Variants in XRCC4 observed in about 807,000 individuals in gnomAD.
XRCC4 encodes DNA repair protein XRCC4.
XRCC4 carries 28 observed loss-of-function variants against 39.1 expected under a neutral mutation model. The ratio of observed to expected loss-of-function variants is 0.72; its 90% confidence interval spans 0.53 to 0.98. The LOEUF is 0.98. Among genes scored for constraint, XRCC4 ranks in the 50% least tolerant of loss-of-function variants. XRCC4 has a pLI of 0.00. For missense variants in XRCC4, 350 were observed against 376.4 expected (o/e 0.93, Z 0.58); for synonymous variants, 123 against 126.4 (o/e 0.97, Z 0.18).
At chr5:83,322,438 A>G (rs994862179) in intron 7 of XRCC4, among the ~76,000 whole-genome samples, 2 of 152,120 alleles carry the variant, frequency 1.3e-5, no homozygotes, top group African/African-American at 4.8e-5. Context: ...AGGTACCAAC[A>G]TGAATAAGAT....
chr5:83,166,785 G>GT (rs1324976356), intron 3 of XRCC4, among the ~76,000 whole-genome samples: 1 of 151,754 alleles, frequency 6.6e-6, no homozygotes, highest in Non-Finnish European at 1.5e-5. Flanking sequence ...CCAAGCATTT[G>GT]TTTTTTTGCT....
At chr5:83,359,989 G>T in the XRCC4 span, among the ~76,000 whole-genome samples, 1 of 152,186 alleles carries the variant, frequency 6.6e-6, no homozygotes, top group Non-Finnish European at 1.5e-5. Flanking sequence ...AAATGTCTGT[G>T]ATCTTCGGCA....
In XRCC4 at chr5:83,349,054, AG is replaced by A. The variant is rs1398003731; in HGVS notation, c.894-4076del. Among the ~76,000 whole-genome samples, 5 of 152,330 alleles carry A rather than the reference AG, an allele frequency of 3.3e-5. No homozygotes were observed. The East Asian group carries it at 7.7e-4, about 23-fold the overall frequency. ...ACAACAATTTAACAAGTCTCTAGGA[AG>A]TTCCAAACTTTCCCTCATCTTCCTA... On this transcript the variant is annotated intron_variant, in intron 7 of 7. Transcript: ENST00000396027.
At chr5:83,271,337 G>A (rs301298) in intron 7 of XRCC4, among the ~76,000 whole-genome samples, 1,947 of 151,940 alleles carry the variant, frequency 0.013, 25 homozygotes, top group Non-Finnish European at 0.019. Flanking sequence ...CTAATTATAC[G>A]CCCATTTGAA....
intron 3 of XRCC4, among the ~76,000 whole-genome samples, chr5:83,186,940 C>CCTTTTTTTTTTTTTT (rs1750468282): frequency 1.0e-5 from 1 of 96,824 alleles, no homozygotes; most frequent in African/African-American, 5.5e-5. Flanking sequence ...CTGCTTCTTC[C>CCTTTTTTTTTTTTTT]ATTTTTTTTT....
Position 83,087,674 on chromosome 5 carries a change from A to T in XRCC4, c.-11+10059A>T, listed in dbSNP as rs202105807. 3.4e-4 allele frequency among the ~76,000 whole-genome samples: 52 copies of T among 150,780 alleles called. No individual in the cohort carries two copies. In the East Asian group the frequency reaches 7.4e-3, roughly 21 times the overall value. ...TGAGACCCTGTGTCAAAAAAAAAAAATTTTTTTTTTCCTGGTCATAGCGTG... is the reference window on the plus strand; with the variant it reads ...TGAGACCCTGTGTCAAAAAAAAAAATTTTTTTTTTTCCTGGTCATAGCGTG... On this transcript the variant is annotated intron_variant, in intron 1 of 7. Transcript: ENST00000396027.
At position 83,119,159 on chromosome 5, in the gene XRCC4, C is replaced by T. The variant is rs574115262; in HGVS notation, c.315+7956C>T. Among the ~76,000 whole-genome samples, 37 of 152,126 alleles carry T rather than the reference C, an allele frequency of 2.4e-4. 1 individual carries two copies. Among genetic ancestry groups the T allele is most frequent in the Middle Eastern group, 3.4e-3 (1 of 294 alleles). Reference sequence around the variant, plus strand: ...AAATCCTATATTATTGCCATGTGTCCCTGTGGTTTCAGGGACTCTGAATTC... The same window carrying T: ...AAATCCTATATTATTGCCATGTGTCTCTGTGGTTTCAGGGACTCTGAATTC... On this transcript the variant is annotated intron_variant, in intron 3 of 7. Transcript: ENST00000396027.
chr5:83,298,160 A>G (rs765647338), intron 7 of XRCC4, among the ~76,000 whole-genome samples: 2 of 151,700 alleles, frequency 1.3e-5, no homozygotes, highest in African/African-American at 2.4e-5. Flanking sequence ...TAAATTACAC[A>G]CTGTATGAAT....
intron 7 of XRCC4, among the ~76,000 whole-genome samples, chr5:83,342,852 G>A (rs1405709978): frequency 6.6e-6 from 1 of 152,102 alleles, no homozygotes; most frequent in East Asian, 1.9e-4. Flanking sequence ...CTTTGGTGAT[G>A]TCAAGTCTTT....
In XRCC4 at chr5:83,218,819, T is replaced by G. The variant is rs16900239; in HGVS notation, c.745+13898T>G. ...TAACTTGTGGTTTTTAAGAAGTGTT[T>G]AGTGAAAGGATATCTGAACTCTTTG... On this transcript the variant is annotated intron_variant, in intron 6 of 7. Transcript: ENST00000396027. Among the ~76,000 whole-genome samples, 424 of 152,204 alleles carry G rather than the reference T, an allele frequency of 2.8e-3. 9 individuals are homozygous for G. The East Asian group carries it at 0.071, about 25-fold the overall frequency.
intron 7 of XRCC4, among the ~76,000 whole-genome samples, chr5:83,314,881 T>C (rs547573089): frequency 6.6e-6 from 1 of 152,202 alleles, no homozygotes; most frequent in South Asian, 2.1e-4. Flanking sequence ...ACAATATTGA[T>C]ATTAGGCCAG....
At chr5:83,136,141 A>G (rs1407938646) in intron 3 of XRCC4, among the ~76,000 whole-genome samples, 1 of 152,136 alleles carries the variant, frequency 6.6e-6, no homozygotes, top group Non-Finnish European at 1.5e-5. Context: ...AATACTTCTG[A>G]GTCCTTTTAC....
intron 3 of XRCC4, among the ~76,000 whole-genome samples, chr5:83,153,628 G>A (rs1232324383): frequency 6.6e-6 from 1 of 152,150 alleles, no homozygotes; most frequent in East Asian, 1.9e-4. Flanking sequence ...GAAAAATAGT[G>A]ATGATGACAA....
intron 3 of XRCC4, among the ~76,000 whole-genome samples, chr5:83,115,167 G>A (rs1340926936): frequency 6.6e-6 from 1 of 151,996 alleles, no homozygotes; most frequent in Non-Finnish European, 1.5e-5. Context: ...GATTTAGGCC[G>A]GGTGCCTCCC....
intron 3 of XRCC4, among the ~76,000 whole-genome samples, chr5:83,115,587 T>C (rs1386952116): frequency 1.3e-5 from 2 of 152,238 alleles, no homozygotes; most frequent in African/African-American, 4.8e-5. Context: ...GATTCATGTC[T>C]TCTACAGTTG....
chr5:83,336,645 T>C (rs1277261397), intron 7 of XRCC4, among the ~76,000 whole-genome samples: 1 of 152,138 alleles, frequency 6.6e-6, no homozygotes, highest in Non-Finnish European at 1.5e-5. Flanking sequence ...TCATAAACCT[T>C]TAATAATAAT....
chr5:83,264,800 A>G lies in XRCC4; in HGVS notation c.893+6123A>G, dbSNP rs192926249. ...AGGAAAATAATATCTTTGGAAGACT[A>G]TGTTTTAAAAGCAGTTGATTAATTT... On this transcript the variant is annotated intron_variant, in intron 7 of 7. Transcript: ENST00000396027. 8.6e-4 allele frequency among the ~76,000 whole-genome samples: 131 copies of G among 152,258 alleles called. No homozygotes were observed. The Middle Eastern group carries it at 0.01, about 12-fold the overall frequency.
intron 5 of XRCC4, 32 bp from the exon 6 acceptor site, chr5:83,204,783 T>C (rs758047235): frequency 1.9e-6 from 3 of 1,564,174 alleles, no homozygotes; most frequent in Non-Finnish European, 2.6e-6. Flanking sequence ...GGTGAGCCAG[T>C]TATTTATAAT....
At chr5:83,201,366 G>T (rs1751187470) in intron 4 of XRCC4, 1 of 152,368 alleles carries the variant, frequency 6.6e-6, no homozygotes, top group African/African-American at 2.4e-5. Context: ...GCATTGCCCG[G>T]TGCCTTGTAT....
Sources: gnomAD v4.1 joint callset for allele counts (sites outside exome capture counted in the v4.1 genomes callset) on GRCh38, gnomAD v4.1.1 for gene constraint, MANE v1.5 for transcripts, NCBI Gene and HGNC (gene_info 2026-07-23, HGNC 2026-07-21) for gene names.